Variants in AFF3 observed in about 807,000 individuals in gnomAD.
The protein encoded by AFF3 is AF4/FMR2 family member 3.
AFF3 carries 32 observed loss-of-function variants against 129.7 expected under a neutral mutation model. The observed-to-expected ratio is 0.25, with a 90% CI of 0.19 to 0.33. The LOEUF is 0.33. Ranked by LOEUF, AFF3 falls within the 10% of genes least tolerant of loss-of-function variation. AFF3 has a pLI of 1.00. For missense variants in AFF3, 1,373 were observed against 1,592.0 expected, an observed-to-expected ratio of 0.86 and a Z score of 2.34; for synonymous variants, 644 against 635.4, an observed-to-expected ratio of 1.01 and a Z score of -0.20.
intron 11 of AFF3, among the ~76,000 whole-genome samples, chr2:99,690,154 C>CTTTATT (rs1420852662): frequency 8.6e-6 from 1 of 116,658 alleles, no homozygotes; most frequent in Non-Finnish European, 1.8e-5. Context: ...TAACCACAAT[C>CTTTATT]TTTATTATTA....
In AFF3 at chr2:99,902,803, C is replaced by T. The variant is rs1694445818; in HGVS notation, c.874-65279G>A. ...GATCACATTACACACTGCCAACATCCTACATAATGCAAACACTGAGATGAT... is the reference window on the plus strand; with the variant it reads ...GATCACATTACACACTGCCAACATCTTACATAATGCAAACACTGAGATGAT... On this transcript the variant is annotated intron_variant, in intron 7 of 24. Transcript: ENST00000672756. Among the ~76,000 whole-genome samples the T allele has an allele frequency of 2.0e-5, 3 of 151,764 alleles. No homozygotes were observed. The South Asian group carries it at 6.3e-4, about 32-fold the overall frequency.
chr2:99,601,213 G>A (rs1253657476), intron 14 of AFF3, among the ~76,000 whole-genome samples: 1 of 152,182 alleles, frequency 6.6e-6, no homozygotes, highest in Non-Finnish European at 1.5e-5. Flanking sequence ...GGCAATGAAA[G>A]TTGATGTTTC....
At chr2:99,633,507 G>A (rs1252724053) in intron 13 of AFF3, among the ~76,000 whole-genome samples, 1 of 152,220 alleles carries the variant, frequency 6.6e-6, no homozygotes, top group African/African-American at 2.4e-5. Flanking sequence ...CAGCATGTGT[G>A]CTATAGTTTG....
chr2:99,758,424 TA>T (rs938876907), intron 8 of AFF3, among the ~76,000 whole-genome samples: 14 of 151,928 alleles, frequency 9.2e-5, no homozygotes, highest in Admixed American at 3.3e-4. Flanking sequence ...CTGTTTCTAC[TA>T]AAAATACGAA....
intron 7 of AFF3, among the ~76,000 whole-genome samples, chr2:99,965,520 G>A (rs1677659490): frequency 2.0e-5 from 3 of 152,218 alleles, no homozygotes; most frequent in Admixed American, 2.0e-4. Flanking sequence ...AACAATAGCT[G>A]AAATTTATGG....
intron 13 of AFF3, among the ~76,000 whole-genome samples, chr2:99,638,168 G>C (rs981382452): frequency 6.6e-6 from 1 of 151,708 alleles, no homozygotes; most frequent in African/African-American, 2.4e-5. Context: ...CCGTCTTCCA[G>C]GTTCAAGTAA....
In AFF3 at chr2:100,007,277, T is replaced by G; in HGVS notation, c.358A>C (p.Asn120His). The change falls in exon 6 of 25, where the codon AAC becomes CAC. Residue 120 changes from asparagine (N) to histidine (H), a missense_variant. Asn to His is a moderately conservative substitution (Grantham distance 68). This residue lies in a region of AFF3 where 255 missense variants were observed against 256.0 expected (regional missense o/e 1.00). Coordinates refer to ENST00000672756, the MANE Select transcript of AFF3 (RefSeq NM_001386135.1). ...GTGCTACAGATAGACGAGGGCTGGTTCTGGGCTCTTGAATCTGCAACAAAA... is the reference window on the plus strand; with the variant it reads ...GTGCTACAGATAGACGAGGGCTGGTGCTGGGCTCTTGAATCTGCAACAAAA... ...EHFVADSRAQ[N>H]QPSSICSTTT... 1.9e-6 allele frequency: 3 copies of G among 1,614,138 alleles called. No homozygotes were observed. In the South Asian group the frequency reaches 3.3e-5, roughly 18 times the overall value.
At chr2:100,011,929 T>C in intron 4 of AFF3, among the ~76,000 whole-genome samples, 1 of 152,102 alleles carries the variant, frequency 6.6e-6, no homozygotes, top group East Asian at 1.9e-4. Context: ...AGAGAAAAGA[T>C]GCTCCTCTTT....
At chr2:99,842,392 A>C (rs1689381824) in intron 7 of AFF3, among the ~76,000 whole-genome samples, 1 of 152,172 alleles carries the variant, frequency 6.6e-6, no homozygotes, top group South Asian at 2.1e-4. Flanking sequence ...TTTCCTTGGA[A>C]AGGTACCCAC....
At chr2:99,875,150 C>G (rs1692188754) in intron 7 of AFF3, among the ~76,000 whole-genome samples, 1 of 152,190 alleles carries the variant, frequency 6.6e-6, no homozygotes, top group Non-Finnish European at 1.5e-5. Flanking sequence ...CCCTGCTTAT[C>G]TGTTTGGCCT....
At chr2:99,639,199 T>A in intron 13 of AFF3, among the ~76,000 whole-genome samples, 1 of 152,218 alleles carries the variant, frequency 6.6e-6, no homozygotes, top group Admixed American at 6.5e-5. Flanking sequence ...TTGGGACCTT[T>A]TAAAATGTGT....
In AFF3 at chr2:99,593,540, C is replaced by G; in HGVS notation, c.2121G>C (p.Arg707Ser). ...CCCCGTTGGCAGCGGCCTCCTTCAG[C>G]CTCTGATCATTCCCGGAGGAGGCAG... ...AASASSGNDQ[R>S]LKEAAANGGS... Residue 707 changes from arginine (R) to serine (S), a missense_variant, in exon 15 of 25, where the codon AGG (arginine) becomes AGC (serine). Arg to Ser is a moderately radical substitution (Grantham distance 110). This residue lies in a region of AFF3 where 466 missense variants were observed against 505.0 expected (regional missense o/e 0.92). Coordinates refer to ENST00000672756, the MANE Select transcript of AFF3 (RefSeq NM_001386135.1). 6.2e-7 allele frequency: 1 copy of G among 1,613,330 alleles called. No individual in the cohort carries two copies.
intron 7 of AFF3, among the ~76,000 whole-genome samples, chr2:99,852,034 A>G (rs768622867): frequency 6.6e-6 from 1 of 152,212 alleles, no homozygotes; most frequent in Non-Finnish European, 1.5e-5. Flanking sequence ...CTGGTAACCC[A>G]GCAGTCAGCC....
rs191359200 is a variant in AFF3 at position 99,547,816 on chromosome 2, G to A, written c.*3658C>T. 3 of 210,912 alleles carry A rather than the reference G, an allele frequency of 1.4e-5. No homozygotes were observed. In the Admixed American group the frequency reaches 1.8e-4, roughly 12 times the overall value. 13.1% of individuals were successfully genotyped at this position (210,912 alleles called of 1,614,324 possible). Reference sequence around the variant, plus strand: ...ATATTATGTATGGGGTGTCAGAAATGTACACATCACTGTTATATAATACAC... The same window carrying A: ...ATATTATGTATGGGGTGTCAGAAATATACACATCACTGTTATATAATACAC... On this transcript the variant is annotated 3_prime_UTR_variant, in exon 25 of 25. Transcript: ENST00000672756.
chr2:99,638,447 G>A (rs998674618), intron 13 of AFF3, among the ~76,000 whole-genome samples: 10 of 151,904 alleles, frequency 6.6e-5, no homozygotes, highest in Non-Finnish European at 1.2e-4. Context: ...GGGGGACTCC[G>A]GTGGTGGGGG....
In AFF3 at chr2:99,551,008, A is replaced by G. The variant is rs193250338; in HGVS notation, c.*466T>C. 385 of 398,648 alleles carry G rather than the reference A, an allele frequency of 9.7e-4. No homozygotes were observed. Among genetic ancestry groups the G allele is most frequent in the Non-Finnish European group, 1.2e-3 (279 of 225,088 alleles). The allele number at this position is 398,648 out of a possible 1,614,324, so 24.7% of individuals were successfully genotyped here. ...TAATCAACAGTATAAGAGCAGGTCC[A>G]TCTTCACTGGCAGTCAAGCTTTTGG... On this transcript the variant is annotated 3_prime_UTR_variant, in exon 25 of 25. Transcript: ENST00000672756.
At chr2:99,599,828 G>A (rs1679648048) in intron 14 of AFF3, among the ~76,000 whole-genome samples, 1 of 152,076 alleles carries the variant, frequency 6.6e-6, no homozygotes, top group African/African-American at 2.4e-5. Context: ...AAAGAAGCCT[G>A]CTTAACTCTT....
At chr2:99,653,040 G>A (rs911940276) in intron 12 of AFF3, among the ~76,000 whole-genome samples, 3 of 152,298 alleles carry the variant, frequency 2.0e-5, no homozygotes, top group African/African-American at 7.2e-5. Flanking sequence ...CCAGCGCAGA[G>A]CATGCTGATA....
intron 7 of AFF3, among the ~76,000 whole-genome samples, chr2:99,881,419 A>T: frequency 6.6e-6 from 1 of 152,212 alleles, no homozygotes; most frequent in Middle Eastern, 3.4e-3. Flanking sequence ...AAAAAAAAAA[A>T]AAGCTAGGTG....
Sources: allele counts gnomAD v4.1 joint callset (sites outside exome capture counted in the v4.1 genomes callset), GRCh38; gene constraint gnomAD v4.1.1; regional missense constraint gnomAD v4.1.1; transcripts MANE v1.5; gene names NCBI Gene and HGNC (gene_info 2026-07-23, HGNC 2026-07-21).